Variants in XRCC5 observed in about 807,000 individuals in gnomAD.
XRCC5 encodes X-ray repair cross complementing 5.
A neutral mutation model predicts 95.7 loss-of-function variants in XRCC5; 12 were observed. The ratio of observed to expected loss-of-function variants is 0.13; its 90% confidence interval spans 0.08 to 0.20. The LOEUF is 0.20. Among genes scored for constraint, XRCC5 ranks in the 10% least tolerant of loss-of-function variants. The probability of loss-of-function intolerance (pLI) is 1.00; values close to 1 mark genes in which losing one functional copy is unlikely to be tolerated. For missense variants in XRCC5, 595 were observed against 873.9 expected (o/e 0.68, Z 4.02); for synonymous variants, 281 against 290.3 (o/e 0.97, Z 0.33).
chr2:216,205,007 C>T (rs1261722105), intron 20 of XRCC5, among the ~76,000 whole-genome samples, 181 bp from the exon 21 acceptor site: 1 of 152,170 alleles, frequency 6.6e-6, no homozygotes, highest in Non-Finnish European at 1.5e-5. Context: ...GAGACATTCT[C>T]ATTACTAAAA....
At chr2:216,156,230 C>T (rs1239099010) in intron 14 of XRCC5, 33 of 465,790 alleles carry the variant, frequency 7.1e-5, no homozygotes, top group Non-Finnish European at 1.2e-4. Context: ...TCGTTGAGGC[C>T]ATAGGTTAAG....
At chr2:216,116,511 A>G in intron 2 of XRCC5, 148 bp from the exon 3 acceptor site, 4 of 782,506 alleles carry the variant, frequency 5.1e-6, no homozygotes, top group Non-Finnish European at 8.6e-6. Context: ...CATTGTCTGT[A>G]AGTCTCATGT....
chr2:216,172,085 T>C (rs1689174883), intron 16 of XRCC5, among the ~76,000 whole-genome samples: 1 of 152,234 alleles, frequency 6.6e-6, no homozygotes, highest in Non-Finnish European at 1.5e-5. Flanking sequence ...TGACTTGTTC[T>C]GATAATCCTG....
chr2:216,148,185 C>G lies in XRCC5; in HGVS notation c.1579C>G (p.Gln527Glu). 1 of 1,614,066 alleles carries G rather than the reference C, an allele frequency of 6.2e-7. No homozygotes were observed. The highest frequency in any genetic ancestry group is 8.5e-7 in the Non-Finnish European group (1 of 1,179,996). The change falls in exon 14 of 21, where the codon CAG becomes GAG. Residue 527 changes from glutamine (Q) to glutamate (E), a missense_variant. By Grantham distance (29) the Gln-to-Glu change is conservative. Transcript: ENST00000392132. ...TCCCGCTGAGGTGACAACAAAAAGT[C>G]AGATTCCTCTCTCTAAAATAAAGAC... ...NPPAEVTTKS[Q>E]IPLSKIKTLF...
intron 19 of XRCC5, among the ~76,000 whole-genome samples, chr2:216,197,400 G>A (rs554739202): frequency 6.8e-6 from 1 of 147,310 alleles, no homozygotes; most frequent in Non-Finnish European, 1.5e-5. Flanking sequence ...AGCCGAGATC[G>A]CGCCATTGCA....
chr2:216,190,433 A>G (rs1021689487), intron 17 of XRCC5, 99 bp downstream of exon 17: 2 of 1,032,360 alleles, frequency 1.9e-6, no homozygotes, highest in Non-Finnish European at 2.9e-6. Context: ...GGCCGTGGAA[A>G]TTATCATTCT....
At chr2:216,200,982 C>A (rs180974554) in intron 19 of XRCC5, among the ~76,000 whole-genome samples, 3 of 152,174 alleles carry the variant, frequency 2.0e-5, no homozygotes, top group Non-Finnish European at 4.4e-5. Flanking sequence ...ATGAAACTTA[C>A]AATACCATAA....
rs181857364 is a variant in XRCC5 at position 216,205,948 on chromosome 2, T to C, written c.*746T>C. ...GAAACTCAAAAACTGAGAAATTTACTACAGTAGTTAGAATTATATCACTTC... is the reference window on the plus strand; with the variant it reads ...GAAACTCAAAAACTGAGAAATTTACCACAGTAGTTAGAATTATATCACTTC... On this transcript the variant is annotated 3_prime_UTR_variant, in exon 21 of 21. Coordinates refer to ENST00000392132, the MANE Select transcript of XRCC5 (RefSeq NM_021141.4). 1 of 152,338 alleles carries C rather than the reference T, an allele frequency of 6.6e-6. No homozygotes were observed. The highest frequency in any genetic ancestry group is 2.4e-5 in the African/African-American group (1 of 41,584). 9.4% of individuals were successfully genotyped at this position (152,338 alleles called of 1,614,324 possible). A position where few individuals can be genotyped will look rare whatever the true frequency, so the allele number is the denominator to read the frequency against.
chr2:216,169,881 A>AC (rs1014742161), intron 16 of XRCC5, among the ~76,000 whole-genome samples: 5 of 150,866 alleles, frequency 3.3e-5, no homozygotes, highest in African/African-American at 9.8e-5. Context: ...AAAAAAAAAA[A>AC]AAACAAACTT....
At chr2:216,115,240 A>G (rs1358156448) in intron 2 of XRCC5, among the ~76,000 whole-genome samples, 3 of 152,152 alleles carry the variant, frequency 2.0e-5, no homozygotes, top group African/African-American at 4.8e-5. Context: ...GTTTCTCTGG[A>G]TAACTGCCGA....
chr2:216,176,120 T>A (rs985123431), intron 16 of XRCC5: 22 of 168,926 alleles, frequency 1.3e-4, no homozygotes, highest in Non-Finnish European at 8.7e-5. Context: ...ACTAATTCAA[T>A]TTTTTTCTTT....
chr2:216,180,070 A>G (rs1474611555), intron 16 of XRCC5, among the ~76,000 whole-genome samples: 1 of 152,208 alleles, frequency 6.6e-6, no homozygotes, highest in Non-Finnish European at 1.5e-5. Context: ...ACGAATTGCC[A>G]TTTGCTGAGA....
intron 5 of XRCC5, among the ~76,000 whole-genome samples, chr2:216,119,677 T>C (rs1446616806): frequency 1.3e-5 from 2 of 152,224 alleles, no homozygotes; most frequent in Admixed American, 6.5e-5. Context: ...TGGACACATA[T>C]ATAAAATTTA....
intron 16 of XRCC5, among the ~76,000 whole-genome samples, chr2:216,171,645 C>A (rs1437156414): frequency 6.6e-6 from 1 of 152,080 alleles, no homozygotes; most frequent in Non-Finnish European, 1.5e-5. Flanking sequence ...TCATTGGTAG[C>A]CATTTGAAGT....
chr2:216,133,819 A>G (rs1697029539), intron 10 of XRCC5, among the ~76,000 whole-genome samples: 1 of 152,228 alleles, frequency 6.6e-6, no homozygotes, highest in Non-Finnish European at 1.5e-5. Context: ...GCAAGGGAGT[A>G]AGGAAACAAT....
chr2:216,191,037 G>A (rs1434955013), intron 17 of XRCC5, among the ~76,000 whole-genome samples: 1 of 152,142 alleles, frequency 6.6e-6, no homozygotes, highest in Non-Finnish European at 1.5e-5. Flanking sequence ...TGCTTACAAA[G>A]AGTGACAAGA....
At chr2:216,184,215 G>A (rs1055595481) in intron 16 of XRCC5, among the ~76,000 whole-genome samples, 9 of 152,140 alleles carry the variant, frequency 5.9e-5, no homozygotes, top group African/African-American at 2.2e-4. Context: ...GGTCCACACG[G>A]TTGCATGTCA....
chr2:216,199,810 C>CTTT (rs375975027), intron 19 of XRCC5, among the ~76,000 whole-genome samples: 10 of 120,242 alleles, frequency 8.3e-5, no homozygotes, highest in African/African-American at 2.2e-4. Flanking sequence ...GCATTGGGAT[C>CTTT]TTTTTTTTTT....
intron 19 of XRCC5, among the ~76,000 whole-genome samples, chr2:216,201,964 A>G (rs987315684): frequency 1.3e-5 from 2 of 152,258 alleles, no homozygotes; most frequent in African/African-American, 4.8e-5. Context: ...ATCTGTCAGG[A>G]AAATCAGTTG....
Sources: gnomAD v4.1 joint callset for allele counts (sites outside exome capture counted in the v4.1 genomes callset) on GRCh38, gnomAD v4.1.1 for gene constraint, MANE v1.5 for transcripts, NCBI Gene and HGNC (gene_info 2026-07-23, HGNC 2026-07-21) for gene names.